NHLH2: variants seen among roughly 807,000 people sequenced by gnomAD.
NHLH2 encodes nescient helix-loop-helix 2, also known as helix-loop-helix protein 2.
A neutral mutation model predicts 7.3 loss-of-function variants in NHLH2; 7 were observed. That is an observed-to-expected ratio of 0.96 (90% CI 0.55 to 1.81). The LOEUF (loss-of-function observed/expected upper bound fraction) is 1.81. Among genes scored for constraint, NHLH2 ranks in the 40% most tolerant of loss-of-function variants. The pLI is 0.00. For synonymous variants in NHLH2, 93 were observed against 91.6 expected, an observed-to-expected ratio of 1.01 and a Z score of -0.09; for missense variants, 155 against 194.0, an observed-to-expected ratio of 0.80 and a Z score of 1.19.
Position 115,838,332 on chromosome 1 carries a change from G to A in NHLH2, c.41C>T (p.Pro14Leu), listed in dbSNP as rs1440471938. ...SPDQAADSDH[P>L]SSAHSDPESL... ...CTCCGGATCCGAGTGCGCCGAGCTG[G>A]GATGGTCCGAATCTGCTGCTTGGTC... The change falls in exon 3 of 3, where the codon CCC becomes CTC. Residue 14 changes from proline (P) to leucine (L), a missense_variant. Transcript: ENST00000320238. 1 of 1,609,592 alleles carries A rather than the reference G, an allele frequency of 6.2e-7. No individual in the cohort carries two copies. The highest frequency in any genetic ancestry group is 1.1e-5 in the South Asian group (1 of 90,908).
Position 115,838,133 on chromosome 1 carries a change from C to G in NHLH2, c.240G>C (p.Ser80=), listed in dbSNP as rs1293901765. ...RRRRATAKYR[S]AHATRERIRV... ...GGATGCGCTCGCGGGTGGCGTGGGC[C>G]GAGCGGTACTTGGCCGTGGCGCGCC... The change falls in exon 3 of 3, where the codon TCG becomes TCC. Residue 80 remains serine (S), a synonymous_variant. Transcript: ENST00000320238. 1 of 1,601,542 alleles carries G rather than the reference C, an allele frequency of 6.2e-7. No individual in the cohort carries two copies. Among genetic ancestry groups the G allele is most frequent in the Non-Finnish European group, 8.5e-7 (1 of 1,175,174 alleles).
At chr1:115,833,392 G>A (rs193197670), downstream of NHLH2, among the ~76,000 whole-genome samples, 6 of 152,188 alleles carry the variant, frequency 3.9e-5, no homozygotes, top group Non-Finnish European at 4.4e-5. Context: ...GGGCAGCTGT[G>A]TGTACTGCAG....
At chr1:115,839,615 T>A (rs891917290) in intron 2 of NHLH2, 1 of 166,746 alleles carries the variant, frequency 6.0e-6, no homozygotes. Context: ...GAAAGGCCCC[T>A]GCAGGGGCTG....
rs1157462412 is a variant in NHLH2 at position 115,837,673 on chromosome 1, G to A, written c.*292C>T. On this transcript the variant is annotated 3_prime_UTR_variant, in exon 3 of 3. Coordinates refer to ENST00000320238, the MANE Select transcript of NHLH2 (RefSeq NM_005599.3). Reference sequence around the variant, plus strand: ...GTGGGTTAAAACCACAACCCTTGGGGAGCCCCAGAAGTGGCTCATCTCGGG... The same window carrying A: ...GTGGGTTAAAACCACAACCCTTGGGAAGCCCCAGAAGTGGCTCATCTCGGG... 2.8e-5 allele frequency: 12 copies of A among 423,930 alleles called. No individual in the cohort carries two copies. Among genetic ancestry groups the A allele is most frequent in the Non-Finnish European group, 4.2e-5 (10 of 238,892 alleles). The allele number at this position is 423,930 out of a possible 1,614,324, so 26.3% of individuals were successfully genotyped here. A position where few individuals can be genotyped will look rare whatever the true frequency, so the allele number is the denominator to read the frequency against.
chr1:115,831,924 C>CAAA (rs34137281), downstream of NHLH2, among the ~76,000 whole-genome samples: 1 of 137,214 alleles, frequency 7.3e-6, no homozygotes, highest in Non-Finnish European at 1.5e-5. Flanking sequence ...GACTTGGTCT[C>CAAA]AAAAAAAAAA....
In NHLH2 at chr1:115,837,593, C is replaced by A; in HGVS notation, c.*372G>T. The A allele has an allele frequency of 4.0e-6, 1 of 247,340 alleles. No homozygotes were observed. The highest frequency in any genetic ancestry group is 7.7e-6 in the Non-Finnish European group (1 of 129,124). 15.3% of individuals were successfully genotyped at this position (247,340 alleles called of 1,614,324 possible). ...CATACTCTGAACTTCTGCCCTCATT[C>A]TTTCAACACATTAAGATTTGTGGCG... On this transcript the variant is annotated 3_prime_UTR_variant, in exon 3 of 3. Transcript: ENST00000320238.
At chr1:115,839,507 G>A (rs965719924) in intron 2 of NHLH2, 3 of 166,922 alleles carry the variant, frequency 1.8e-5, no homozygotes, top group African/African-American at 7.2e-5. Flanking sequence ...GGGGCGCCTG[G>A]AGCACTGGCC....
Position 115,838,263 on chromosome 1 carries a change from T to G in NHLH2, c.110A>C (p.Asp37Ala). 6.3e-7 allele frequency: 1 copy of G among 1,593,958 alleles called. No individual in the cohort carries two copies. The highest frequency in any genetic ancestry group is 8.5e-7 in the Non-Finnish European group (1 of 1,172,618). Residue 37 changes from aspartate to alanine, a missense_variant, in exon 3 of 3, where the codon GAC becomes GCC. Physicochemically the swap from Asp to Ala is moderately radical, Grantham distance 126. This residue lies in a region of NHLH2 where 91 missense variants were observed against 86.6 expected (regional missense o/e 1.05). Coordinates refer to ENST00000320238, the MANE Select transcript of NHLH2 (RefSeq NM_005599.3). Reference protein sequence around the residue: ...TDTKVLGSVSDLEPVEEAEGD... With the variant: ...TDTKVLGSVSALEPVEEAEGD... ...CTCGGCCTCCTCCACCGGCTCCAGGTCCGACACGCTGCCGAGCACCTTGGT... is the reference window on the plus strand; with the variant it reads ...CTCGGCCTCCTCCACCGGCTCCAGGGCCGACACGCTGCCGAGCACCTTGGT...
rs370167347 is a variant in NHLH2, at chr1:115,837,961, C to T, written c.*4G>A. Reference sequence around the variant, plus strand: ...ACAGGCGGCCCCCCGCGGCGCACCCCGCCCTACACGTCCAGGACGTGGTTG... The same window carrying T: ...ACAGGCGGCCCCCCGCGGCGCACCCTGCCCTACACGTCCAGGACGTGGTTG... On this transcript the variant is annotated 3_prime_UTR_variant, in exon 3 of 3. Transcript: ENST00000320238. 3.8e-6 allele frequency: 6 copies of T among 1,591,798 alleles called. No individual in the cohort carries two copies. The highest frequency in any genetic ancestry group is 1.7e-5 in the Admixed American group (1 of 58,206).
rs1259983358 is a variant in NHLH2 at position 115,838,376 on chromosome 1, G to T, written c.-4C>A. 6.2e-7 allele frequency: 1 copy of T among 1,608,416 alleles called. No homozygotes were observed. The highest frequency in any genetic ancestry group is 1.7e-5 in the Admixed American group (1 of 59,948). ...CTTGGTCCGGACTCAGCATCATTTT[G>T]GAGGCTGAGGAGGGGTCGGAAAATT... On this transcript the variant is annotated 5_prime_UTR_variant, in exon 3 of 3. Transcript: ENST00000320238.
downstream of NHLH2, among the ~76,000 whole-genome samples, chr1:115,834,811 G>A (rs1650829005): frequency 6.6e-6 from 1 of 152,164 alleles, no homozygotes; most frequent in African/African-American, 2.4e-5. Flanking sequence ...TCTATTTTCA[G>A]CATTTAGAAC....
At chr1:115,831,924 CA>C (rs34137281), downstream of NHLH2, among the ~76,000 whole-genome samples, 70,541 of 137,168 alleles carry the variant, frequency 0.51, 18,793 homozygotes, top group Admixed American at 0.6. Context: ...GACTTGGTCT[CA>C]AAAAAAAAAA....
chr1:115,835,076 G>T (rs1333136515), downstream of NHLH2, among the ~76,000 whole-genome samples: 3 of 152,184 alleles, frequency 2.0e-5, no homozygotes, highest in Non-Finnish European at 4.4e-5. Flanking sequence ...CACATGGGTT[G>T]CATAGCTAGG....
chr1:115,839,051 A>T (rs1250927564), intron 2 of NHLH2: 2 of 167,210 alleles, frequency 1.2e-5, no homozygotes, highest in African/African-American at 4.8e-5. Context: ...TAAAGAAATG[A>T]CTAAACAAAC....
At position 115,837,971 on chromosome 1, in the gene NHLH2, G is replaced by C; in HGVS notation, c.402C>G (p.Asp134Glu). 2 of 1,600,334 alleles carry C rather than the reference G, an allele frequency of 1.2e-6. No homozygotes were observed. The highest frequency in any genetic ancestry group is 1.7e-6 in the Non-Finnish European group (2 of 1,174,846). ...CCCCGCGGCGCACCCCGCCCTACAC[G>C]TCCAGGACGTGGTTGAGATAGGAGA... ...CYISYLNHVL[D>E]V Residue 134 changes from aspartate (D) to glutamate (E), a missense_variant, in exon 3 of 3, where the codon GAC (aspartate) becomes GAG (glutamate). Physicochemically the swap from Asp to Glu is conservative, Grantham distance 45. This residue lies in a region of NHLH2 where 64 missense variants were observed against 107.4 expected (regional missense o/e 0.60). Transcript: ENST00000320238.
downstream of NHLH2, among the ~76,000 whole-genome samples, chr1:115,833,284 C>A (rs1343075482): frequency 6.6e-6 from 1 of 152,164 alleles, no homozygotes; most frequent in African/African-American, 2.4e-5. Flanking sequence ...GAAAAATGCT[C>A]CCCTTCCTCC....
At position 115,837,329 on chromosome 1, in the gene NHLH2, C is replaced by T. The variant is rs1239709137; in HGVS notation, c.*636G>A. 2 of 152,630 alleles carry T rather than the reference C, an allele frequency of 1.3e-5. No homozygotes were observed. The highest frequency in any genetic ancestry group is 1.5e-5 in the Non-Finnish European group (1 of 68,042). 9.5% of individuals were successfully genotyped at this position (152,630 alleles called of 1,614,324 possible). ...ATCTTGGGGATAAAATATCACCAAG[C>T]TCAGATCCTCCCACAGTGTGTCTAC... On this transcript the variant is annotated 3_prime_UTR_variant, in exon 3 of 3. Coordinates refer to ENST00000320238, the MANE Select transcript of NHLH2 (RefSeq NM_005599.3).
rs575580830 is a variant in NHLH2 at position 115,838,217 on chromosome 1, G to A, written c.156C>T (p.Ser52=). 1.2e-5 allele frequency: 18 copies of A among 1,558,544 alleles called. 1 individual carries two copies. The Admixed American group carries it at 2.7e-4, about 23-fold the overall frequency. ...GCGGGTGCGGGTAGAGCGCGGCTCG[G>A]CTGCCGCCCTTGCCGTCGCCCTCGG... is the stretch of plus-strand genomic sequence containing the variant. The part of the protein sequence containing the change: ...EEAEGDGKGG[S]RAALYPHPQQ... The change falls in exon 3 of 3, where the codon AGC becomes AGT. Residue 52 remains serine (S), a synonymous_variant. Coordinates refer to ENST00000320238, the MANE Select transcript of NHLH2 (RefSeq NM_005599.3).
At chr1:115,839,911 C>A (rs533240739) in intron 2 of NHLH2, 4 of 167,162 alleles carry the variant, frequency 2.4e-5, no homozygotes, top group African/African-American at 7.2e-5. Flanking sequence ...TGACTCCCTA[C>A]GGGCTTTTCT....
Sources: allele counts gnomAD v4.1 joint callset (sites outside exome capture counted in the v4.1 genomes callset), GRCh38; gene constraint gnomAD v4.1.1; regional missense constraint gnomAD v4.1.1; transcripts MANE v1.5; gene names NCBI Gene and HGNC (gene_info 2026-07-23, HGNC 2026-07-21).